The following COL19A1 variants were observed in gnomAD, a reference collection of about 807,000 sequenced individuals.
COL19A1 encodes collagen type XIX alpha 1 chain, also known as collagen alpha-1(XIX) chain.
COL19A1 carries 159 observed loss-of-function variants against 190.2 expected under a neutral mutation model. The ratio of observed to expected loss-of-function variants is 0.84; its 90% CI spans 0.73 to 0.95. The LOEUF (loss-of-function observed/expected upper bound fraction) is 0.95, where lower values mean the gene tolerates loss of function less well. COL19A1 is among the 40% of genes least tolerant of loss of function. COL19A1 has a pLI of 0.00. For missense variants in COL19A1, 1,418 were observed against 1,431.9 expected (o/e 0.99, Z 0.16); for synonymous variants, 509 against 458.9 (o/e 1.11, Z -1.39).
At position 70,042,263 on chromosome 6, in the gene COL19A1, C is replaced by A. The variant is rs114095550; in HGVS notation, c.1170+6324C>A. 8.9e-3 allele frequency among the ~76,000 whole-genome samples: 1,353 copies of A among 152,148 alleles called. 16 individuals carry two copies. Among genetic ancestry groups the A allele is most frequent in the African/African-American group, 0.031 (1,283 of 41,490 alleles). On this transcript the variant is annotated intron_variant, in intron 14 of 50. Coordinates refer to ENST00000620364, the MANE Select transcript of COL19A1 (RefSeq NM_001858.6). ...CGAATTAAAAACTACTTAGAGATTG[C>A]CTAATGCAGAATATAGGCATACTTT...
chr6:70,170,809 A>T (rs1018543569), intron 40 of COL19A1, among the ~76,000 whole-genome samples: 5 of 152,194 alleles, frequency 3.3e-5, no homozygotes, highest in Non-Finnish European at 5.9e-5. Context: ...TTCTGTAATA[A>T]GGGCAATGTT....
At chr6:70,201,065 T>C (rs1214116146) in intron 49 of COL19A1, among the ~76,000 whole-genome samples, 1 of 152,178 alleles carries the variant, frequency 6.6e-6, no homozygotes, top group African/African-American at 2.4e-5. Context: ...TATTCTGAAG[T>C]CAGAGTATAT....
chr6:70,072,936 A>T (rs994331909), intron 15 of COL19A1, among the ~76,000 whole-genome samples: 2 of 151,570 alleles, frequency 1.3e-5, no homozygotes, highest in Non-Finnish European at 2.9e-5. Flanking sequence ...TGCACCACAG[A>T]CTTTGGGGCC....
intron 11 of COL19A1, among the ~76,000 whole-genome samples, chr6:69,983,012 A>AAG (rs1776128492): frequency 6.7e-5 from 10 of 149,666 alleles, no homozygotes; most frequent in African/African-American, 2.5e-4. Flanking sequence ...AAATAAATAA[A>AAG]TAAATAAATA....
chr6:69,898,365 G>A (rs1232919625), intron 2 of COL19A1, among the ~76,000 whole-genome samples: 2 of 152,186 alleles, frequency 1.3e-5, no homozygotes, highest in Admixed American at 6.5e-5. Context: ...TACATTCACT[G>A]AGTTGAGACT....
rs140533476 is a variant in COL19A1, at chr6:69,942,622, T to C, written c.936+4522T>C. Among the ~76,000 whole-genome samples, 275 of 152,168 alleles carry C rather than the reference T, an allele frequency of 1.8e-3. 1 individual carries two copies. The highest frequency in any genetic ancestry group is 6.4e-3 in the African/African-American group (264 of 41,528). Reference sequence around the variant, plus strand: ...TACATATAAAGGAGAACATGCAGTATTTATCCTTCTGTGCCTGGCTTATTT... The same window carrying C: ...TACATATAAAGGAGAACATGCAGTACTTATCCTTCTGTGCCTGGCTTATTT... On this transcript the variant is annotated intron_variant, in intron 9 of 50. Coordinates refer to ENST00000620364, the MANE Select transcript of COL19A1 (RefSeq NM_001858.6).
chr6:69,993,741 C>T (rs942084054), intron 11 of COL19A1, among the ~76,000 whole-genome samples: 3 of 151,980 alleles, frequency 2.0e-5, no homozygotes, highest in African/African-American at 7.2e-5. Flanking sequence ...AGTTTGTGTG[C>T]CTAGAGGTGT....
At position 70,209,569 on chromosome 6, in the gene COL19A1, G is replaced by C. The variant is rs927305973; in HGVS notation, c.*2295G>C. 6.6e-6 allele frequency: 1 copy of C among 151,862 alleles called. No homozygotes were observed. The highest frequency in any genetic ancestry group is 1.5e-5 in the Non-Finnish European group (1 of 67,962). 9.4% of individuals were successfully genotyped at this position (151,862 alleles called of 1,614,324 possible). On this transcript the variant is annotated 3_prime_UTR_variant, in exon 51 of 51. Coordinates refer to ENST00000620364, the MANE Select transcript of COL19A1 (RefSeq NM_001858.6). Reference sequence around the variant, plus strand: ...AGAAATCTTTCTAAATACCATTAAGGCTTGACTGGTTAATTCCTATTTCAA... The same window carrying C: ...AGAAATCTTTCTAAATACCATTAAGCCTTGACTGGTTAATTCCTATTTCAA...
chr6:69,983,471 G>A (rs924788594), intron 11 of COL19A1, among the ~76,000 whole-genome samples: 3 of 151,368 alleles, frequency 2.0e-5, no homozygotes, highest in Admixed American at 6.6e-5. Flanking sequence ...TTTTTTTCTT[G>A]CCATATTTTA....
At chr6:69,975,995 A>G (rs1212278331) in intron 11 of COL19A1, among the ~76,000 whole-genome samples, 1 of 152,234 alleles carries the variant, frequency 6.6e-6, no homozygotes, top group East Asian at 1.9e-4. Flanking sequence ...CTGACATGGT[A>G]TTGCCTATTG....
chr6:69,997,302 A>G (rs1188027140), intron 11 of COL19A1, among the ~76,000 whole-genome samples: 2 of 152,204 alleles, frequency 1.3e-5, no homozygotes, highest in Non-Finnish European at 2.9e-5. Context: ...TTATTTGGAC[A>G]CAGGGGTGAT....
chr6:69,898,484 C>A (rs986534497), intron 2 of COL19A1, among the ~76,000 whole-genome samples: 1 of 152,104 alleles, frequency 6.6e-6, no homozygotes, highest in South Asian at 2.1e-4. Flanking sequence ...TGGTAGAGAT[C>A]TTTGCTTTTT....
chr6:70,031,428 T>C (rs1045446757), intron 12 of COL19A1, among the ~76,000 whole-genome samples: 2 of 152,098 alleles, frequency 1.3e-5, no homozygotes, highest in African/African-American at 4.8e-5. Context: ...TGCTTGTATC[T>C]TTTTATCCAC....
intron 9 of COL19A1, among the ~76,000 whole-genome samples, chr6:69,949,476 G>A (rs148700171): frequency 6.6e-6 from 1 of 151,786 alleles, no homozygotes; most frequent in African/African-American, 2.4e-5. Flanking sequence ...ATGAAAACAA[G>A]AAAGTTACTA....
chr6:70,180,481 A>G lies in COL19A1; in HGVS notation c.2733A>G (p.Gly911=). Residue 911 remains glycine, a synonymous_variant, in exon 44 of 51, where the codon GGA becomes GGG. Coordinates refer to ENST00000620364, the MANE Select transcript of COL19A1 (RefSeq NM_001858.6). ...TATAGGGTGAGAGAGGACCTGTTGGAGATATAGGTTTCCCTGGACCAGAAG... is the reference window on the plus strand; with the variant it reads ...TATAGGGTGAGAGAGGACCTGTTGGGGATATAGGTTTCCCTGGACCAGAAG... ...PGEPGERGPV[G]DIGFPGPEGP... is the part of the protein sequence containing the mutation. The G allele has an allele frequency of 6.2e-7, 1 of 1,614,136 alleles. No homozygotes were observed. Among genetic ancestry groups the G allele is most frequent in the Non-Finnish European group, 8.5e-7 (1 of 1,180,010 alleles).
At chr6:70,181,347 G>A (rs1199790764) in intron 44 of COL19A1, among the ~76,000 whole-genome samples, 1 of 152,058 alleles carries the variant, frequency 6.6e-6, no homozygotes, top group Admixed American at 6.6e-5. Flanking sequence ...GGAAGATCTG[G>A]GTCTGAATTA....
At chr6:69,999,920 T>C (rs1777151134) in intron 11 of COL19A1, among the ~76,000 whole-genome samples, 1 of 152,190 alleles carries the variant, frequency 6.6e-6, no homozygotes, top group Admixed American at 6.5e-5. Flanking sequence ...AGGATACATG[T>C]ACAGTACAGA....
chr6:70,065,157 C>A (rs910056348), intron 14 of COL19A1, among the ~76,000 whole-genome samples: 6 of 152,160 alleles, frequency 3.9e-5, no homozygotes, highest in Admixed American at 2.6e-4. Context: ...CAAGTCAATC[C>A]TAAGCCAAAA....
At chr6:70,027,149 G>A (rs781536040) in intron 12 of COL19A1, among the ~76,000 whole-genome samples, 9 of 152,258 alleles carry the variant, frequency 5.9e-5, no homozygotes, top group Non-Finnish European at 1.0e-4. Context: ...CAGTGAGCCA[G>A]GTGACTCCAG....
Sources: gnomAD v4.1 joint callset for allele counts (sites outside exome capture counted in the v4.1 genomes callset) on GRCh38, gnomAD v4.1.1 for gene constraint, MANE v1.5 for transcripts, NCBI Gene and HGNC (gene_info 2026-07-23, HGNC 2026-07-21) for gene names.